MED12L: variants seen among roughly 807,000 people sequenced by gnomAD.
MED12L encodes the protein mediator of RNA polymerase II transcription subunit 12-like protein.
In MED12L, 60 loss-of-function variants were observed where a neutral mutation model predicts 281.3. The observed-to-expected ratio is 0.21, with a 90% CI of 0.17 to 0.26. The LOEUF (loss-of-function observed/expected upper bound fraction) is 0.26, where lower values mean the gene tolerates loss of function less well. MED12L is among the 10% of genes least tolerant of loss of function. The pLI is 1.00. For missense variants in MED12L, 2,146 were observed against 2,680.9 expected (o/e 0.80, Z 4.41); for synonymous variants, 974 against 987.2 (o/e 0.99, Z 0.25).
chr3:151,384,323 T>C, intron 35 of MED12L, 105 bp downstream of exon 35: 1 of 1,175,678 alleles, frequency 8.5e-7, no homozygotes, highest in Non-Finnish European at 1.2e-6. Flanking sequence ...TGTATTCAAC[T>C]TAATTTAATG....
At position 151,432,851 on chromosome 3, in the gene MED12L, C is replaced by T; in HGVS notation, c.*47C>T. 6.8e-7 allele frequency: 1 copy of T among 1,472,326 alleles called. No homozygotes were observed. The highest frequency in any genetic ancestry group is 1.2e-5 in the South Asian group (1 of 80,028). 91.2% of individuals were successfully genotyped at this position (1,472,326 alleles called of 1,614,324 possible). ...GACGTTTTATGTTTGCACTGAAAAA[C>T]AGAAAATCAAATTTAATGCATTAGT... On this transcript the variant is annotated 3_prime_UTR_variant, in exon 45 of 45. Transcript: ENST00000687756.
At chr3:151,362,746 C>T (rs1381752086) in intron 21 of MED12L, among the ~76,000 whole-genome samples, 1 of 151,996 alleles carries the variant, frequency 6.6e-6, no homozygotes, top group Non-Finnish European at 1.5e-5. Context: ...ATAGTTATAT[C>T]TAAGACAATT....
Position 151,416,400 on chromosome 3 carries a change from C to CA in MED12L, c.6388dup (p.Met2130AsnfsTer60). Reference sequence around the variant, plus strand: ...CAGAGTCAGACCCTTGGTCTCCAAGCAATGCAGCCCCAGCAGCCCTTGGTA... The same window carrying CA: ...CAGAGTCAGACCCTTGGTCTCCAAGCAAATGCAGCCCCAGCAGCCCTTGGTA... On this transcript the variant is annotated frameshift_variant, in exon 43 of 45. Coordinates refer to ENST00000687756, the MANE Select transcript of MED12L (RefSeq NM_001393769.1). LOFTEE classifies it high-confidence loss of function. 1 of 1,613,360 alleles carries CA rather than the reference C, an allele frequency of 6.2e-7. No homozygotes were observed. The highest frequency in any genetic ancestry group is 8.5e-7 in the Non-Finnish European group (1 of 1,179,678).
intron 16 of MED12L, among the ~76,000 whole-genome samples, chr3:151,348,441 T>G (rs1752827735): frequency 6.6e-6 from 1 of 151,650 alleles, no homozygotes; most frequent in Non-Finnish European, 1.5e-5. Flanking sequence ...CTCATTCAGA[T>G]GCGCAGCCAG....
chr3:151,421,628 C>T (rs944944807), intron 43 of MED12L, among the ~76,000 whole-genome samples: 6 of 152,060 alleles, frequency 3.9e-5, no homozygotes, highest in African/African-American at 1.2e-4. Flanking sequence ...CCAGGTGTCT[C>T]GAACTCCTGA....
intron 2 of MED12L, among the ~76,000 whole-genome samples, chr3:151,114,372 A>G (rs1275152019): frequency 6.6e-6 from 1 of 152,234 alleles, no homozygotes; most frequent in Admixed American, 6.5e-5. Context: ...GTAAGAGCAC[A>G]CATAATTAAG....
At chr3:151,138,576 T>C (rs1315842536) in intron 5 of MED12L, among the ~76,000 whole-genome samples, 1 of 152,230 alleles carries the variant, frequency 6.6e-6, no homozygotes, top group East Asian at 1.9e-4. Flanking sequence ...AGGCTTCTCT[T>C]GGCTGTGACA....
At chr3:151,315,922 T>G (rs1047196378) in intron 16 of MED12L, among the ~76,000 whole-genome samples, 2 of 152,242 alleles carry the variant, frequency 1.3e-5, no homozygotes, top group African/African-American at 2.4e-5. Flanking sequence ...TTAAAAGTCC[T>G]TATTAAAATT....
At chr3:151,214,219 A>G in intron 16 of MED12L, 1 of 1,613,996 alleles carries the variant, frequency 6.2e-7, no homozygotes. Flanking sequence ...TCCTGCAATG[A>G]AGACCATACA....
At chr3:151,256,531 A>T (rs542884333) in intron 16 of MED12L, among the ~76,000 whole-genome samples, 1 of 152,286 alleles carries the variant, frequency 6.6e-6, no homozygotes, top group Admixed American at 6.5e-5. Context: ...CTTGTCAACC[A>T]CAGAAATTAG....
intron 11 of MED12L, among the ~76,000 whole-genome samples, chr3:151,183,250 G>A (rs913035480): frequency 6.6e-6 from 1 of 152,156 alleles, no homozygotes; most frequent in Non-Finnish European, 1.5e-5. Flanking sequence ...CATGCCTCTC[G>A]TAAAACCTTC....
intron 2 of MED12L, 94 bp downstream of exon 2, chr3:151,087,119 G>A: frequency 9.7e-7 from 1 of 1,031,044 alleles, no homozygotes; most frequent in Non-Finnish European, 1.4e-6. Flanking sequence ...CCGGCGCTGC[G>A]GTGGAAGAGG....
chr3:151,291,023 G>A (rs1744182113), intron 16 of MED12L, among the ~76,000 whole-genome samples: 1 of 152,090 alleles, frequency 6.6e-6, no homozygotes, highest in Non-Finnish European at 1.5e-5. Context: ...ATCATGCTGA[G>A]CACAGTATCT....
chr3:151,343,690 G>C (rs866983169), intron 16 of MED12L, among the ~76,000 whole-genome samples: 2 of 152,106 alleles, frequency 1.3e-5, no homozygotes, highest in South Asian at 2.1e-4. Flanking sequence ...TGGTTGGTTT[G>C]GTTATTTTGT....
At chr3:151,172,997 G>T (rs890568060) in intron 11 of MED12L, among the ~76,000 whole-genome samples, 1 of 151,992 alleles carries the variant, frequency 6.6e-6, no homozygotes, top group Non-Finnish European at 1.5e-5. Flanking sequence ...ATTTAGACTT[G>T]CTGTCACTGA....
At chr3:151,378,451 G>C (rs1711621568) in intron 31 of MED12L, among the ~76,000 whole-genome samples, 1 of 151,978 alleles carries the variant, frequency 6.6e-6, no homozygotes, top group African/African-American at 2.4e-5. Context: ...AACTGAATCA[G>C]ATCTGGATAG....
chr3:151,155,739 CT>C (rs1167816595), intron 5 of MED12L, among the ~76,000 whole-genome samples: 1 of 152,164 alleles, frequency 6.6e-6, no homozygotes, highest in African/African-American at 2.4e-5. Flanking sequence ...ATTTTGAATT[CT>C]TTTGCTGTGG....
chr3:151,281,232 C>CAAA lies in MED12L; in HGVS notation c.2251-68802_2251-68800dup, dbSNP rs35035320. On this transcript the variant is annotated intron_variant, in intron 16 of 44. Transcript: ENST00000687756. ...TGAAACCCTATCTCTACCAAAAATA[C>CAAA]AAAAAAAAAAAAAAAAAAAAAAAAA... Among the ~76,000 whole-genome samples the CAAA allele has an allele frequency of 7.2e-4, 36 of 49,966 alleles. 1 individual carries two copies. Among genetic ancestry groups the CAAA allele is most frequent in the Admixed American group, 8.4e-4 (3 of 3,558 alleles). The allele number at this position is 49,966 out of a possible 152,430, so 32.8% of individuals were successfully genotyped here. A position where few individuals can be genotyped will look rare whatever the true frequency, so the allele number is the denominator to read the frequency against.
chr3:151,136,524 C>T (rs748772630), intron 5 of MED12L, among the ~76,000 whole-genome samples: 12 of 152,268 alleles, frequency 7.9e-5, no homozygotes, highest in African/African-American at 1.9e-4. Context: ...AGGTTTTAAC[C>T]GGTGAGGTAA....
Sources: allele counts gnomAD v4.1 joint callset (sites outside exome capture counted in the v4.1 genomes callset), GRCh38; gene constraint gnomAD v4.1.1; transcripts MANE v1.5; gene names NCBI Gene and HGNC (gene_info 2026-07-23, HGNC 2026-07-21).